Variants in GABRB2 observed in about 807,000 individuals in gnomAD.
The protein encoded by GABRB2 is gamma-aminobutyric acid type A receptor subunit beta2, also known as gamma-aminobutyric acid receptor subunit beta-2.
GABRB2 carries 16 observed loss-of-function variants against 54.7 expected under a neutral mutation model. That is an observed-to-expected ratio of 0.29 (90% CI 0.20 to 0.44). GABRB2 has a LOEUF of 0.44. Among genes scored for constraint, GABRB2 ranks in the 20% least tolerant of loss-of-function variants. The probability of loss-of-function intolerance (pLI) is 1.00; values close to 1 mark genes in which losing one functional copy is unlikely to be tolerated. For synonymous variants in GABRB2, 244 were observed against 233.8 expected (o/e 1.04, Z -0.40); for missense variants, 355 against 644.0 (o/e 0.55, Z 4.86).
chr5:161,464,227 T>C (rs1363969633), intron 3 of GABRB2, among the ~76,000 whole-genome samples: 2 of 152,022 alleles, frequency 1.3e-5, no homozygotes, highest in African/African-American at 2.4e-5. Flanking sequence ...TATCCATAAA[T>C]ATAAGCATAT....
In GABRB2 at chr5:161,529,078, A is replaced by T. The variant is rs1260492092; in HGVS notation, c.237+16149T>A. ...GGATTAGCATATACTTTTTTTCAGA[A>T]TGGATTTTTGGGGCAAGAATTGCAT... On this transcript the variant is annotated intron_variant, in intron 3 of 9. Coordinates refer to ENST00000393959, the MANE Select transcript of GABRB2 (RefSeq NM_001371727.1). Among the ~76,000 whole-genome samples the T allele has an allele frequency of 2.0e-5, 3 of 151,934 alleles. No homozygotes were observed. The East Asian group carries it at 5.8e-4, about 29-fold the overall frequency.
intron 3 of GABRB2, 63 bp from the exon 4 acceptor site, chr5:161,459,907 A>T: frequency 4.6e-6 from 4 of 867,592 alleles, no homozygotes; most frequent in Non-Finnish European, 7.5e-6. Flanking sequence ...GGGATAAGCA[A>T]ACATCTCAGT....
In GABRB2 at chr5:161,288,554, C is replaced by T. The variant is rs1291003402; in HGVS notation, c.*5527G>A. On this transcript the variant is annotated 3_prime_UTR_variant, in exon 10 of 10. Transcript: ENST00000393959. ...AATTCAAGAAAATAATTCTTATGTG[C>T]TATTCATTTATAATCCTCATTTTTT... The T allele has an allele frequency of 1.3e-5, 2 of 152,564 alleles. No individual in the cohort carries two copies. Among genetic ancestry groups the T allele is most frequent in the African/African-American group, 4.8e-5 (2 of 41,422 alleles). The allele number at this position is 152,564 out of a possible 1,614,324, so 9.5% of individuals were successfully genotyped here. A position where few individuals can be genotyped will look rare whatever the true frequency, so the allele number is the denominator to read the frequency against.
intron 4 of GABRB2, among the ~76,000 whole-genome samples, chr5:161,419,399 G>A (rs1756783493): frequency 6.6e-6 from 1 of 152,154 alleles, no homozygotes. Flanking sequence ...AAACAGTATG[G>A]AGATTTCTCA....
intron 4 of GABRB2, among the ~76,000 whole-genome samples, chr5:161,449,556 G>A (rs2113231095): frequency 6.6e-6 from 1 of 152,208 alleles, no homozygotes; most frequent in African/African-American, 2.4e-5. Context: ...TACTCCAAAT[G>A]TAATTAGAGA....
chr5:161,383,644 A>G (rs1388920218), intron 5 of GABRB2, among the ~76,000 whole-genome samples: 2 of 152,184 alleles, frequency 1.3e-5, no homozygotes, highest in African/African-American at 4.8e-5. Flanking sequence ...CATTTTGGAT[A>G]GTGAAGCTCT....
At chr5:161,482,358 T>C (rs1336936288) in intron 3 of GABRB2, among the ~76,000 whole-genome samples, 1 of 152,088 alleles carries the variant, frequency 6.6e-6, no homozygotes, top group Non-Finnish European at 1.5e-5. Context: ...ATTGAAAGAA[T>C]TCAGATAACA....
At chr5:161,345,037 C>T (rs1754280143) in intron 5 of GABRB2, among the ~76,000 whole-genome samples, 1 of 151,872 alleles carries the variant, frequency 6.6e-6, no homozygotes. Flanking sequence ...CACACAGGGC[C>T]CTGTCTGGGG....
intron 4 of GABRB2, among the ~76,000 whole-genome samples, chr5:161,456,154 T>G (rs561332213): frequency 2.9e-4 from 44 of 152,278 alleles, no homozygotes; most frequent in African/African-American, 1.0e-3. Flanking sequence ...GTCACTGCCT[T>G]GATATTTAAA....
chr5:161,399,695 G>T (rs1223147348), intron 5 of GABRB2, among the ~76,000 whole-genome samples: 1 of 152,028 alleles, frequency 6.6e-6, no homozygotes, highest in Non-Finnish European at 1.5e-5. Context: ...TAGTTTTATT[G>T]GATTCAATTT....
chr5:161,484,638 G>A (rs973265382), intron 3 of GABRB2, among the ~76,000 whole-genome samples: 1 of 151,822 alleles, frequency 6.6e-6, no homozygotes, highest in African/African-American at 2.4e-5. Flanking sequence ...AACATAAAGG[G>A]ACATCCAAGG....
intron 3 of GABRB2, among the ~76,000 whole-genome samples, chr5:161,477,064 A>T (rs924962119): frequency 6.6e-6 from 1 of 151,876 alleles, no homozygotes; most frequent in South Asian, 2.1e-4. Context: ...TATATTTTTA[A>T]AAACTCCTAC....
At chr5:161,539,897 A>G (rs1385622223) in intron 3 of GABRB2, among the ~76,000 whole-genome samples, 8 of 152,258 alleles carry the variant, frequency 5.3e-5, no homozygotes, top group African/African-American at 1.9e-4. Flanking sequence ...ATTTTAAAAT[A>G]CTTTATTGCT....
At chr5:161,442,421 C>A (rs1426417944) in intron 4 of GABRB2, among the ~76,000 whole-genome samples, 1 of 152,178 alleles carries the variant, frequency 6.6e-6, no homozygotes, top group Admixed American at 6.5e-5. Flanking sequence ...GAATCTTCCA[C>A]CAGGACACTG....
chr5:161,407,213 T>C (rs1251455784), intron 5 of GABRB2, among the ~76,000 whole-genome samples: 2 of 152,022 alleles, frequency 1.3e-5, no homozygotes, highest in African/African-American at 4.8e-5. Context: ...GGGGGCATGA[T>C]GAGGCCATGT....
At chr5:161,437,412 C>A (rs953072525) in intron 4 of GABRB2, among the ~76,000 whole-genome samples, 1 of 152,030 alleles carries the variant, frequency 6.6e-6, no homozygotes, top group African/African-American at 2.4e-5. Flanking sequence ...GGGAATACCT[C>A]GCCTTGAAGG....
At chr5:161,338,721 G>A (rs1754067855) in intron 5 of GABRB2, among the ~76,000 whole-genome samples, 1 of 152,066 alleles carries the variant, frequency 6.6e-6, no homozygotes, top group Admixed American at 6.6e-5. Flanking sequence ...AGGAATTTGA[G>A]GTTGCGGTGA....
chr5:161,514,777 A>G (rs1208807884), intron 3 of GABRB2, among the ~76,000 whole-genome samples: 1 of 152,176 alleles, frequency 6.6e-6, no homozygotes, highest in Non-Finnish European at 1.5e-5. Context: ...ACCACTCGAA[A>G]TTCTAGTCAT....
At chr5:161,317,638 T>G (rs1758081042) in intron 9 of GABRB2, among the ~76,000 whole-genome samples, 1 of 151,828 alleles carries the variant, frequency 6.6e-6, no homozygotes, top group Admixed American at 6.6e-5. Context: ...ACATACAGAG[T>G]ATAATAGAAT....
Sources: allele counts gnomAD v4.1 joint callset (sites outside exome capture counted in the v4.1 genomes callset), GRCh38; gene constraint gnomAD v4.1.1; transcripts MANE v1.5; gene names NCBI Gene and HGNC (gene_info 2026-07-23, HGNC 2026-07-21).